Variants in DLGAP4 observed in about 807,000 individuals in gnomAD.
The protein encoded by DLGAP4 is DLG associated protein 4, also known as disks large-associated protein 4.
In DLGAP4, 18 loss-of-function variants were observed where a neutral mutation model predicts 86.9. The ratio of observed to expected loss-of-function variants is 0.21; its 90% CI spans 0.14 to 0.31. The LOEUF (loss-of-function observed/expected upper bound fraction) is 0.31, where lower values mean the gene tolerates loss of function less well. Among genes scored for constraint, DLGAP4 ranks in the 10% least tolerant of loss-of-function variants. DLGAP4 has a pLI of 1.00. For missense variants in DLGAP4, 1,085 were observed against 1,362.6 expected (o/e 0.80, Z 3.21); for synonymous variants, 548 against 574.3 (o/e 0.95, Z 0.65).
chr20:36,448,240 C>T (rs115139748), intron 7 of DLGAP4, among the ~76,000 whole-genome samples: 5 of 152,212 alleles, frequency 3.3e-5, no homozygotes, highest in African/African-American at 1.2e-4. Context: ...GTCCTCGCTA[C>T]TCAGGAGGCT....
intron 6 of DLGAP4, among the ~76,000 whole-genome samples, chr20:36,443,508 C>T (rs1336798609): frequency 6.6e-6 from 1 of 152,152 alleles, no homozygotes; most frequent in Non-Finnish European, 1.5e-5. Flanking sequence ...TGATTCCAGC[C>T]GTGGATGCCC....
chr20:36,429,288 G>A (rs949314292), intron 2 of DLGAP4, among the ~76,000 whole-genome samples: 3 of 151,816 alleles, frequency 2.0e-5, no homozygotes, highest in African/African-American at 7.3e-5. Context: ...ACGTTGGCCA[G>A]GCTGGTCTCA....
intron 8 of DLGAP4, chr20:36,498,291 G>A (rs985425425): frequency 3.9e-5 from 6 of 152,218 alleles, no homozygotes; most frequent in Admixed American, 6.6e-5. Context: ...GCTGTTTTCT[G>A]GGCTTCTTAA....
chr20:36,519,864 C>T (rs1425431806), intron 10 of DLGAP4, among the ~76,000 whole-genome samples: 2 of 152,158 alleles, frequency 1.3e-5, no homozygotes, highest in Non-Finnish European at 2.9e-5. Context: ...CATCATAGCT[C>T]ACTGCAGCCT....
In DLGAP4 at chr20:36,331,254, C is replaced by T. The variant is rs6095355; in HGVS notation, c.-304+24742C>T. ...CCCAGCCCTTCAGGGAGGACCCATG[C>T]TGTCAGAAAACGAGGGGAAGAGTGT... is the stretch of plus-strand genomic sequence containing the variant. On this transcript the variant is annotated intron_variant, in intron 1 of 12. Coordinates refer to ENST00000339266, the MANE Select transcript of DLGAP4 (RefSeq NM_001365621.2). Among the ~76,000 whole-genome samples, 394 of 152,354 alleles carry T rather than the reference C, an allele frequency of 2.6e-3. 3 individuals carry two copies. The highest frequency in any genetic ancestry group is 8.6e-3 in the African/African-American group (359 of 41,590).
intron 1 of DLGAP4, among the ~76,000 whole-genome samples, chr20:36,334,448 G>A (rs1321873030): frequency 6.6e-6 from 1 of 152,138 alleles, no homozygotes; most frequent in Non-Finnish European, 1.5e-5. Flanking sequence ...AGGTCTGAGG[G>A]GCATAGCAGC....
chr20:36,423,455 CAAAAAAAA>C (rs11434258), intron 2 of DLGAP4, among the ~76,000 whole-genome samples: 1 of 16,334 alleles, frequency 6.1e-5, no homozygotes, highest in Non-Finnish European at 1.0e-4. Flanking sequence ...GACTCCGTCT[CAAAAAAAA>C]AAAAAAAAAA....
At chr20:36,439,512 A>T (rs1600530816) in intron 4 of DLGAP4, among the ~76,000 whole-genome samples, 1 of 152,070 alleles carries the variant, frequency 6.6e-6, no homozygotes, top group South Asian at 2.1e-4. Flanking sequence ...GTGGAACTTG[A>T]CCCACCTCTG....
intron 12 of DLGAP4, chr20:36,526,280 T>TA: frequency 1.7e-6 from 1 of 605,966 alleles, no homozygotes; most frequent in South Asian, 2.0e-5. Context: ...TCAATCACGT[T>TA]ATAACAGAGG....
intron 7 of DLGAP4, among the ~76,000 whole-genome samples, chr20:36,447,217 C>G (rs2033616480): frequency 6.6e-6 from 1 of 152,146 alleles, no homozygotes; most frequent in Non-Finnish European, 1.5e-5. Flanking sequence ...TGCTCCTTGG[C>G]TCAGAGCAGC....
chr20:36,516,024 G>A (rs1396491665), intron 10 of DLGAP4, among the ~76,000 whole-genome samples: 1 of 152,152 alleles, frequency 6.6e-6, no homozygotes, highest in Admixed American at 6.5e-5. Context: ...CTGGATCCCA[G>A]CATCCTAAGT....
chr20:36,439,806 A>G lies in DLGAP4; in HGVS notation c.1294A>G (p.Ser432Gly), dbSNP rs1160852545. The G allele has an allele frequency of 1.2e-6, 2 of 1,613,696 alleles. No individual in the cohort carries two copies. The highest frequency in any genetic ancestry group is 2.7e-5 in the African/African-American group (2 of 74,902). Residue 432 changes from serine (S) to glycine (G), a missense_variant, in exon 5 of 13, where the codon AGC becomes GGC. Around this residue, in one of 2 missense-constraint regions of DLGAP4, gnomAD observed 1,082 missense variants for 1,344.1 expected, o/e 0.81. Coordinates refer to ENST00000339266, the MANE Select transcript of DLGAP4 (RefSeq NM_001365621.2). The stretch of plus-strand genomic sequence containing the variant: ...CATGCTGCTGCCCTCCAAGTGTCCG[A>G]GCTGGGAAGAGGACTACACCCCCGT... The part of the protein sequence containing the change: ...VDMLLPSKCP[S>G]WEEDYTPVSD...
At chr20:36,525,513 C>T (rs1024913532) in intron 11 of DLGAP4, 3 of 364,744 alleles carry the variant, frequency 8.2e-6, no homozygotes, top group Non-Finnish European at 1.6e-5. Context: ...GGGAGTGAAT[C>T]GGGCTTCTCT....
intron 1 of DLGAP4, among the ~76,000 whole-genome samples, chr20:36,310,997 C>T (rs1236388237): frequency 6.6e-6 from 1 of 152,158 alleles, no homozygotes; most frequent in African/African-American, 2.4e-5. Flanking sequence ...AGAGGGTTGC[C>T]TGTTCTGTTC....
intron 7 of DLGAP4, among the ~76,000 whole-genome samples, chr20:36,470,935 C>T (rs1297047769): frequency 6.6e-6 from 1 of 152,170 alleles, no homozygotes; most frequent in Non-Finnish European, 1.5e-5. Context: ...CTGCAGTGAA[C>T]ACCCTTTCCT....
intron 1 of DLGAP4, among the ~76,000 whole-genome samples, chr20:36,346,179 C>T (rs2029931908): frequency 6.6e-6 from 1 of 152,240 alleles, no homozygotes. Flanking sequence ...CTCACCAAGA[C>T]CACTGGGATC....
At chr20:36,357,805 T>C (rs907219930) in intron 1 of DLGAP4, among the ~76,000 whole-genome samples, 5 of 152,132 alleles carry the variant, frequency 3.3e-5, no homozygotes, top group Non-Finnish European at 7.3e-5. Context: ...AAAGTGAAGA[T>C]TTTCCACAGA....
chr20:36,405,382 A>G (rs769211955), intron 2 of DLGAP4, among the ~76,000 whole-genome samples: 1 of 152,218 alleles, frequency 6.6e-6, no homozygotes, highest in Non-Finnish European at 1.5e-5. Flanking sequence ...AAAGTGAGTT[A>G]ACATACGTAA....
In DLGAP4 at chr20:36,436,467, GC is replaced by G. The variant is rs557933849; in HGVS notation, c.1241+122del. 7.4e-4 allele frequency: 1,040 copies of G among 1,408,290 alleles called. 15 individuals are homozygous for G. In the South Asian group the frequency reaches 0.014, roughly 19 times the overall value. The allele number at this position is 1,408,290 out of a possible 1,614,324, so 87.2% of individuals were successfully genotyped here. On this transcript the variant is annotated intron_variant, in intron 4 of 12. Coordinates refer to ENST00000339266, the MANE Select transcript of DLGAP4 (RefSeq NM_001365621.2). ...TAAGCCCCGCCTGCGTGGGAGCCAC[GC>G]CCCCTTTGAGCCACGCCCACTCATG...
Sources: allele counts gnomAD v4.1 joint callset (sites outside exome capture counted in the v4.1 genomes callset), GRCh38; gene constraint gnomAD v4.1.1; regional missense constraint gnomAD v4.1.1; transcripts MANE v1.5; gene names NCBI Gene and HGNC (gene_info 2026-07-23, HGNC 2026-07-21).